Variants in FANK1 observed in about 807,000 individuals in gnomAD.
FANK1 encodes fibronectin type III and ankyrin repeat domains 1, also known as fibronectin type 3 and ankyrin repeat domains protein 1.
In FANK1, 44 loss-of-function variants were observed where a neutral mutation model predicts 45.3. That is an observed-to-expected ratio of 0.97 (90% CI 0.76 to 1.25). The LOEUF is 1.25. Among genes scored for constraint, FANK1 ranks in the 50% most tolerant of loss-of-function variants. FANK1 has a pLI of 0.00. For missense variants in FANK1, 391 were observed against 424.4 expected (o/e 0.92, Z 0.69); for synonymous variants, 149 against 152.5 (o/e 0.98, Z 0.17).
intron 6 of FANK1, among the ~76,000 whole-genome samples, chr10:126,003,379 A>G (rs1428678996): frequency 6.6e-6 from 1 of 152,088 alleles, no homozygotes; most frequent in Non-Finnish European, 1.5e-5. Flanking sequence ...CGTGGGCAAT[A>G]AGGTGAAATT....
In FANK1 at chr10:126,005,005, G is replaced by A; in HGVS notation, c.661G>A (p.Gly221Ser). The change falls in exon 7 of 11, where the codon GGC becomes AGC. Residue 221 changes from glycine (G) to serine (S), a missense_variant. Transcript: ENST00000368693. ...AGCTCTGCACTGGGCTGCAGATGGA[G>A]GCCACTGCAGTGTGATTGAGTGGAT... ...CTALHWAADG[G>S]HCSVIEWMIK... is the part of the protein sequence containing the mutation. 6.2e-7 allele frequency: 1 copy of A among 1,614,156 alleles called. No homozygotes were observed.
intron 1 of FANK1, among the ~76,000 whole-genome samples, chr10:125,910,682 CA>C (rs1259005707): frequency 9.9e-5 from 15 of 152,150 alleles, no homozygotes; most frequent in Non-Finnish European, 2.1e-4. Flanking sequence ...TGAATCAGTC[CA>C]CTGCTGATGG....
At chr10:125,919,124 T>C (rs905323327) in intron 1 of FANK1, among the ~76,000 whole-genome samples, 2 of 151,222 alleles carry the variant, frequency 1.3e-5, no homozygotes, top group African/African-American at 4.9e-5. Flanking sequence ...TAACTGCTAA[T>C]GCATTGGCCT....
At chr10:125,917,755 T>A (rs1360673457) in intron 1 of FANK1, among the ~76,000 whole-genome samples, 2 of 152,296 alleles carry the variant, frequency 1.3e-5, no homozygotes, top group Admixed American at 1.3e-4. Context: ...TCCACTTATA[T>A]GAGATACCTA....
At chr10:126,007,142 T>C (rs1038406977) in intron 7 of FANK1, 4 of 152,210 alleles carry the variant, frequency 2.6e-5, no homozygotes, top group Non-Finnish European at 4.4e-5. Context: ...CTGAAGCCCA[T>C]GGGAAGGACT....
In FANK1 at chr10:125,999,326, A is replaced by G. The variant is rs539482045; in HGVS notation, c.539+1841A>G. Among the ~76,000 whole-genome samples the G allele has an allele frequency of 9.8e-4, 148 of 151,728 alleles. 1 individual carries two copies. Among genetic ancestry groups the G allele is most frequent in the Non-Finnish European group, 1.8e-3 (122 of 67,976 alleles). On this transcript the variant is annotated intron_variant, in intron 6 of 10. Coordinates refer to ENST00000368693, the MANE Select transcript of FANK1 (RefSeq NM_145235.5). ...GCCATTCTCCTGCCTCAGCCTCCCAAGTAGCTGGAACTATAGGCGCCCACC... is the reference window on the plus strand; with the variant it reads ...GCCATTCTCCTGCCTCAGCCTCCCAGGTAGCTGGAACTATAGGCGCCCACC...
chr10:125,965,207 C>T (rs768119620), intron 1 of FANK1, among the ~76,000 whole-genome samples: 63 of 152,178 alleles, frequency 4.1e-4, no homozygotes, highest in Non-Finnish European at 8.2e-4. Flanking sequence ...AAAATGTCAT[C>T]ATTGTAATTG....
In FANK1 at chr10:125,928,882, A is replaced by G. The variant is rs150908404; in HGVS notation, c.13+32227A>G. On this transcript the variant is annotated intron_variant, in intron 1 of 10. Transcript: ENST00000368693. ...GACCAAAGTTATTTGGTCATATTCTACCCAGTATTCTCTGAATGATTATTT... is the reference window on the plus strand; with the variant it reads ...GACCAAAGTTATTTGGTCATATTCTGCCCAGTATTCTCTGAATGATTATTT... 5.4e-4 allele frequency among the ~76,000 whole-genome samples: 83 copies of G among 152,320 alleles called. 1 individual carries two copies. The highest frequency in any genetic ancestry group is 6.8e-3 in the Middle Eastern group (2 of 294).
At chr10:125,909,706 T>G (rs1243952203) in intron 1 of FANK1, among the ~76,000 whole-genome samples, 2 of 149,926 alleles carry the variant, frequency 1.3e-5, no homozygotes, top group Non-Finnish European at 3.0e-5. Flanking sequence ...TTTTTTTTTT[T>G]TTGCTGTGAC....
intron 2 of FANK1, among the ~76,000 whole-genome samples, chr10:125,985,466 C>G (rs1411476634): frequency 6.6e-6 from 1 of 152,078 alleles, no homozygotes; most frequent in Non-Finnish European, 1.5e-5. Flanking sequence ...GGCGGTTTTT[C>G]TGAATATTTA....
chr10:125,971,771 G>A (rs1285135408), intron 1 of FANK1, among the ~76,000 whole-genome samples: 23 of 151,960 alleles, frequency 1.5e-4, no homozygotes, highest in Non-Finnish European at 2.9e-4. Context: ...ACAGGTGCCC[G>A]CTACCACGGC....
chr10:125,912,143 C>T (rs571129864), intron 1 of FANK1, among the ~76,000 whole-genome samples: 6 of 152,268 alleles, frequency 3.9e-5, no homozygotes, highest in East Asian at 1.9e-4. Context: ...ACACACAGCA[C>T]GTGTGTGGCC....
At chr10:125,957,055 C>T (rs1949625649) in intron 1 of FANK1, among the ~76,000 whole-genome samples, 1 of 152,176 alleles carries the variant, frequency 6.6e-6, no homozygotes, top group Admixed American at 6.5e-5. Flanking sequence ...CGGGGTTTCA[C>T]CATGTTAGCT....
chr10:125,989,181 C>A lies in FANK1; in HGVS notation c.316+506C>A, dbSNP rs140273491. On this transcript the variant is annotated intron_variant, in intron 3 of 10. Transcript: ENST00000368693. ...CCACGGAGAATCCTGTGAGGGAGAG[C>A]CCCACATGGAGACCTCTGAGCCCTT... The A allele has an allele frequency of 5.6e-4, 555 of 996,310 alleles. 3 individuals carry two copies. The African/African-American group carries it at 7.9e-3, about 14-fold the overall frequency. The allele number at this position is 996,310 out of a possible 1,614,324, so 61.7% of individuals were successfully genotyped here.
chr10:125,975,424 T>C (rs1188216160), intron 1 of FANK1, among the ~76,000 whole-genome samples: 1 of 152,246 alleles, frequency 6.6e-6, no homozygotes. Flanking sequence ...ATTGCCATAC[T>C]GCTTTCCACA....
intron 1 of FANK1, among the ~76,000 whole-genome samples, chr10:125,927,014 C>T (rs1178637757): frequency 1.3e-5 from 2 of 152,212 alleles, no homozygotes; most frequent in African/African-American, 4.8e-5. Context: ...CTTCTAGTTG[C>T]TGCTCTTACC....
At chr10:126,001,102 G>C (rs1257212999) in intron 6 of FANK1, among the ~76,000 whole-genome samples, 1 of 152,154 alleles carries the variant, frequency 6.6e-6, no homozygotes, top group East Asian at 1.9e-4. Context: ...CCACATCCAT[G>C]GACACAGTGA....
At chr10:125,972,547 T>C (rs1950582526) in intron 1 of FANK1, among the ~76,000 whole-genome samples, 2 of 152,330 alleles carry the variant, frequency 1.3e-5, no homozygotes, top group South Asian at 4.1e-4. Flanking sequence ...CACTATTTTT[T>C]GGCATTCTGA....
chr10:125,914,554 T>C (rs4121003), intron 1 of FANK1, among the ~76,000 whole-genome samples: 4 of 152,284 alleles, frequency 2.6e-5, no homozygotes, highest in Middle Eastern at 3.4e-3. Flanking sequence ...TTGTTAACCA[T>C]ATTTTCATTA....
Sources: allele counts gnomAD v4.1 joint callset (sites outside exome capture counted in the v4.1 genomes callset), GRCh38; gene constraint gnomAD v4.1.1; transcripts MANE v1.5; gene names NCBI Gene and HGNC (gene_info 2026-07-23, HGNC 2026-07-21).